SHISA9: variants seen among roughly 807,000 people sequenced by gnomAD.
SHISA9 encodes protein shisa-9.
A neutral mutation model predicts 38.0 loss-of-function variants in SHISA9; 13 were observed. The observed-to-expected ratio is 0.34, with a 90% CI of 0.22 to 0.54. SHISA9 has a LOEUF of 0.54. SHISA9 is among the 20% of genes least tolerant of loss of function. The pLI is 0.91. For synonymous variants in SHISA9, 275 were observed against 242.0 expected (o/e 1.14, Z -1.27); for missense variants, 538 against 575.8 (o/e 0.93, Z 0.67).
chr16:13,211,462 G>C (rs4781436), intron 3 of SHISA9, among the ~76,000 whole-genome samples: 2 of 151,788 alleles, frequency 1.3e-5, no homozygotes, highest in African/African-American at 2.4e-5. Context: ...TAAAAAAAAA[G>C]CATACACTTG....
At chr16:13,397,648 A>G in the SHISA9 span, among the ~76,000 whole-genome samples, 3 of 152,094 alleles carry the variant, frequency 2.0e-5, no homozygotes, top group South Asian at 2.1e-4. Flanking sequence ...GTTGGCCAGG[A>G]TGGTCTTGAT....
the SHISA9 span, among the ~76,000 whole-genome samples, chr16:13,417,288 C>T: frequency 2.0e-5 from 3 of 151,936 alleles, no homozygotes; most frequent in African/African-American, 7.3e-5. Flanking sequence ...TTTTGTCACT[C>T]GAGGGAATTT....
chr16:13,249,867 G>T, the SHISA9 span, among the ~76,000 whole-genome samples: 54 of 152,226 alleles, frequency 3.5e-4, no homozygotes, highest in East Asian at 0.01. Flanking sequence ...AAGAAACTGG[G>T]ACTACAGGCA....
At chr16:13,029,611 A>C (rs1174121309) in intron 2 of SHISA9, among the ~76,000 whole-genome samples, 1 of 152,246 alleles carries the variant, frequency 6.6e-6, no homozygotes, top group Non-Finnish European at 1.5e-5. Flanking sequence ...CTGTCTAAAC[A>C]AACAAACAAA....
the SHISA9 span, among the ~76,000 whole-genome samples, chr16:13,254,950 A>G: frequency 6.6e-6 from 1 of 152,240 alleles, no homozygotes; most frequent in South Asian, 2.1e-4. Flanking sequence ...TTTGAGCAGC[A>G]GGAAAGTATC....
chr16:13,216,184 CAAAAAAA>C (rs929173872), intron 4 of SHISA9, among the ~76,000 whole-genome samples: 6 of 113,042 alleles, frequency 5.3e-5, no homozygotes, highest in Admixed American at 9.2e-5. Flanking sequence ...GAGACTCTGT[CAAAAAAA>C]AAAAAAAAAA....
intron 4 of SHISA9, among the ~76,000 whole-genome samples, chr16:13,225,780 C>T (rs368705503): frequency 2.1e-4 from 32 of 152,144 alleles, no homozygotes; most frequent in Non-Finnish European, 8.8e-5. Context: ...GGCTCCATCC[C>T]GCCCCGCACC....
At chr16:13,322,922 C>T in the SHISA9 span, among the ~76,000 whole-genome samples, 11 of 152,130 alleles carry the variant, frequency 7.2e-5, no homozygotes, top group African/African-American at 2.7e-4. Flanking sequence ...CATACTGTGT[C>T]TGGATTCATG....
At chr16:13,559,481 C>T in the SHISA9 span, among the ~76,000 whole-genome samples, 2 of 151,416 alleles carry the variant, frequency 1.3e-5, no homozygotes, top group East Asian at 3.9e-4. Flanking sequence ...GGGCTTAGGT[C>T]ATCCTCCCAC....
chr16:13,344,022 T>C, the SHISA9 span, among the ~76,000 whole-genome samples: 175 of 152,300 alleles, frequency 1.1e-3, no homozygotes, highest in African/African-American at 4.0e-3. Context: ...TTAAAGACCA[T>C]GCCCTTCTCT....
At chr16:13,351,756 C>T in the SHISA9 span, among the ~76,000 whole-genome samples, 3 of 152,254 alleles carry the variant, frequency 2.0e-5, no homozygotes, top group Admixed American at 6.5e-5. Context: ...TCTGATTGCT[C>T]GATATTTCAG....
At chr16:13,049,704 C>T (rs552540890) in intron 2 of SHISA9, among the ~76,000 whole-genome samples, 1 of 152,186 alleles carries the variant, frequency 6.6e-6, no homozygotes, top group South Asian at 2.1e-4. Flanking sequence ...GATAATGAGT[C>T]CTCATTTCCT....
At chr16:13,172,997 A>AT (rs1255345210) in intron 2 of SHISA9, among the ~76,000 whole-genome samples, 3 of 152,150 alleles carry the variant, frequency 2.0e-5, no homozygotes, top group East Asian at 3.9e-4. Flanking sequence ...AGACCAGTGC[A>AT]TTAGGAGCTC....
At position 13,062,431 on chromosome 16, in the gene SHISA9, A is replaced by G. The variant is rs545801411; in HGVS notation, c.692-140963A>G. On this transcript the variant is annotated intron_variant, in intron 2 of 4. Transcript: ENST00000558583. ...CAGTGGACATTGCTGTGTGACCTAG[A>G]GCAGATTGCTTAACCTCTCTGTGTC... Among the ~76,000 whole-genome samples, 3 of 152,290 alleles carry G rather than the reference A, an allele frequency of 2.0e-5. No individual in the cohort carries two copies. The South Asian group carries it at 6.2e-4, about 32-fold the overall frequency.
At chr16:13,343,738 G>T in the SHISA9 span, among the ~76,000 whole-genome samples, 1 of 152,146 alleles carries the variant, frequency 6.6e-6, no homozygotes, top group African/African-American at 2.4e-5. Context: ...GTTTAAAAGT[G>T]TAAGAAGCAT....
chr16:13,107,392 A>G (rs2073936401), intron 2 of SHISA9, among the ~76,000 whole-genome samples: 1 of 151,720 alleles, frequency 6.6e-6, no homozygotes, highest in Non-Finnish European at 1.5e-5. Flanking sequence ...CCGAGATTGC[A>G]CTATTGCACT....
chr16:13,459,649 G>A, the SHISA9 span, among the ~76,000 whole-genome samples: 12 of 152,128 alleles, frequency 7.9e-5, no homozygotes, highest in Admixed American at 3.3e-4. Flanking sequence ...ATCACAGAGA[G>A]GGAACTGTGC....
chr16:13,175,004 A>C (rs1036686937), intron 2 of SHISA9, among the ~76,000 whole-genome samples: 1 of 152,182 alleles, frequency 6.6e-6, no homozygotes, highest in African/African-American at 2.4e-5. Flanking sequence ...AGCATGAAAT[A>C]ATCTCAGCTT....
At chr16:13,521,229 G>A in the SHISA9 span, among the ~76,000 whole-genome samples, 1 of 152,184 alleles carries the variant, frequency 6.6e-6, no homozygotes. Flanking sequence ...GAGCATGTGA[G>A]CTTTCTTCTC....
Sources: gnomAD v4.1 joint callset for allele counts (sites outside exome capture counted in the v4.1 genomes callset) on GRCh38, gnomAD v4.1.1 for gene constraint, MANE v1.5 for transcripts, NCBI Gene and HGNC (gene_info 2026-07-23, HGNC 2026-07-21) for gene names.